The following RBFOX1 variants were observed in gnomAD, a reference collection of about 807,000 sequenced individuals.
RBFOX1 encodes RNA binding protein fox-1 homolog 1.
Under a neutral mutation model 57.7 loss-of-function variants are expected in RBFOX1, and 8 were observed. The ratio of observed to expected loss-of-function variants is 0.14; its 90% CI spans 0.08 to 0.25. The LOEUF (loss-of-function observed/expected upper bound fraction) is 0.25, where lower values mean the gene tolerates loss of function less well. Ranked by LOEUF, RBFOX1 falls within the 10% of genes least tolerant of loss-of-function variation. The pLI, the probability that RBFOX1 is intolerant of heterozygous loss-of-function variation, is 1.00. For synonymous variants in RBFOX1, 326 were observed against 222.4 expected (o/e 1.47, Z -4.15); for missense variants, 611 against 548.5 (o/e 1.11, Z -1.14).
At chr16:6,915,671 C>T (rs751083424) in intron 3 of RBFOX1, among the ~76,000 whole-genome samples, 25 of 151,386 alleles carry the variant, frequency 1.7e-4, no homozygotes, top group Non-Finnish European at 3.2e-4. Context: ...CTGCCTCAGC[C>T]TTCAGAGTAG....
intron 1 of RBFOX1, among the ~76,000 whole-genome samples, chr16:5,454,767 C>CCTTTTCTTT (rs1567534245): frequency 8.3e-5 from 3 of 36,344 alleles, no homozygotes; most frequent in African/African-American, 2.9e-4. Context: ...TTCTTTCTTT[C>CCTTTTCTTT]TCTTTCTTTC....
chr16:7,462,175 G>C (rs758527848), intron 4 of RBFOX1, among the ~76,000 whole-genome samples: 10 of 152,180 alleles, frequency 6.6e-5, no homozygotes, highest in Non-Finnish European at 1.3e-4. Flanking sequence ...GGGAAACAGC[G>C]GGTCACAAAG....
intron 1 of RBFOX1, among the ~76,000 whole-genome samples, chr16:6,076,977 C>T (rs1043272228): frequency 6.6e-6 from 1 of 152,198 alleles, no homozygotes; most frequent in Non-Finnish European, 1.5e-5. Flanking sequence ...TCTGGAGGAT[C>T]ATCATCCCTG....
At chr16:7,618,432 C>T (rs184008982) in intron 10 of RBFOX1, among the ~76,000 whole-genome samples, 144 of 152,224 alleles carry the variant, frequency 9.5e-4, no homozygotes, top group African/African-American at 3.4e-3. Flanking sequence ...AATTACTAAT[C>T]TAGTGCCTAG....
rs994147216 is a variant in RBFOX1 at position 7,253,299 on chromosome 16, G to C, written c.27+201201G>C. Among the ~76,000 whole-genome samples, 3 of 152,284 alleles carry C rather than the reference G, an allele frequency of 2.0e-5. No individual in the cohort carries two copies. In the East Asian group the frequency reaches 5.8e-4, roughly 29 times the overall value. ...TCTGTCAGTTCTGTGGAGCTATTCA[G>C]AAATTCGTGTTGATGTCAGTGGCAA... On this transcript the variant is annotated intron_variant, in intron 4 of 15. Transcript: ENST00000550418.
At chr16:7,287,686 C>G (rs953690569) in intron 4 of RBFOX1, among the ~76,000 whole-genome samples, 19 of 152,038 alleles carry the variant, frequency 1.2e-4, no homozygotes, top group African/African-American at 4.6e-4. Context: ...AGTCGCCTCT[C>G]AACACCACAT....
chr16:5,242,981 G>C (rs564142479), intron 1 of RBFOX1, among the ~76,000 whole-genome samples: 1 of 144,656 alleles, frequency 6.9e-6, no homozygotes, highest in African/African-American at 2.6e-5. Flanking sequence ...TGGTGGGGAC[G>C]TGGTGGGGGG....
chr16:6,622,053 G>C (rs1479005576), intron 2 of RBFOX1, among the ~76,000 whole-genome samples: 1 of 152,186 alleles, frequency 6.6e-6, no homozygotes, highest in Non-Finnish European at 1.5e-5. Flanking sequence ...GTGTTGGTTT[G>C]AGTTGGTGTT....
chr16:6,439,882 T>A (rs1208375803), intron 2 of RBFOX1, among the ~76,000 whole-genome samples: 1 of 152,060 alleles, frequency 6.6e-6, no homozygotes, highest in African/African-American at 2.4e-5. Flanking sequence ...CAATTTGATA[T>A]CCTCTTTAAA....
At chr16:7,114,975 T>C (rs2065572153) in intron 4 of RBFOX1, among the ~76,000 whole-genome samples, 1 of 152,176 alleles carries the variant, frequency 6.6e-6, no homozygotes, top group South Asian at 2.1e-4. Flanking sequence ...GGAGAAGTGA[T>C]TTGAGGGTGA....
At chr16:6,535,793 C>G (rs775250864) in intron 2 of RBFOX1, among the ~76,000 whole-genome samples, 2 of 152,182 alleles carry the variant, frequency 1.3e-5, no homozygotes, top group Non-Finnish European at 2.9e-5. Context: ...TAATTAGTCA[C>G]TGCCTATTTT....
chr16:5,906,155 C>T (rs745671587), intron 4 of RBFOX1, among the ~76,000 whole-genome samples: 2 of 152,116 alleles, frequency 1.3e-5, no homozygotes, highest in Non-Finnish European at 2.9e-5. Flanking sequence ...GTCATGCCTC[C>T]CCCAGACTGG....
chr16:5,589,185 T>C (rs925101494), intron 2 of RBFOX1, among the ~76,000 whole-genome samples: 4 of 152,174 alleles, frequency 2.6e-5, no homozygotes, highest in African/African-American at 9.7e-5. Flanking sequence ...TTGGCCCCTA[T>C]CTGCACTTGG....
At chr16:7,696,775 C>T (rs1030292117) in intron 14 of RBFOX1, among the ~76,000 whole-genome samples, 3 of 152,080 alleles carry the variant, frequency 2.0e-5, no homozygotes, top group African/African-American at 7.2e-5. Context: ...AAGTAAGGTG[C>T]AATGCTATTT....
intron 4 of RBFOX1, among the ~76,000 whole-genome samples, chr16:7,269,089 C>T (rs2095253789): frequency 7.1e-6 from 1 of 139,966 alleles, no homozygotes; most frequent in Non-Finnish European, 1.5e-5. Context: ...CTCTGGATCA[C>T]ATTAACCCTC....
At chr16:6,721,238 T>G (rs1166098779) in intron 3 of RBFOX1, among the ~76,000 whole-genome samples, 1 of 152,102 alleles carries the variant, frequency 6.6e-6, no homozygotes, top group African/African-American at 2.4e-5. Context: ...AGGTCAGGAT[T>G]TTGAGACCAG....
intron 1 of RBFOX1, among the ~76,000 whole-genome samples, chr16:5,345,754 G>A (rs567700085): frequency 6.6e-6 from 1 of 152,234 alleles, no homozygotes; most frequent in South Asian, 2.1e-4. Context: ...GATGGGTTAA[G>A]GCACATGACG....
At chr16:7,250,218 G>T (rs1006500029) in intron 4 of RBFOX1, among the ~76,000 whole-genome samples, 1 of 152,192 alleles carries the variant, frequency 6.6e-6, no homozygotes, top group Non-Finnish European at 1.5e-5. Context: ...GGTATGTGAA[G>T]CATGATTTCA....
intron 4 of RBFOX1, among the ~76,000 whole-genome samples, chr16:7,304,690 C>T (rs1274686499): frequency 6.6e-6 from 1 of 152,168 alleles, no homozygotes; most frequent in Admixed American, 6.5e-5. Context: ...TGTCCGAATA[C>T]TTTAAAACCG....
Sources: gnomAD v4.1 joint callset for allele counts (sites outside exome capture counted in the v4.1 genomes callset) on GRCh38, gnomAD v4.1.1 for gene constraint, MANE v1.5 for transcripts, NCBI Gene and HGNC (gene_info 2026-07-23, HGNC 2026-07-21) for gene names.